The following NRXN3 variants were observed in gnomAD, a reference collection of about 807,000 sequenced individuals.
NRXN3 encodes neurexin 3, also known as neurexin III.
NRXN3 carries 32 observed loss-of-function variants against 137.6 expected under a neutral mutation model. That is an observed-to-expected ratio of 0.23 (90% confidence interval 0.18 to 0.31). The LOEUF (loss-of-function observed/expected upper bound fraction) is 0.31, where lower values mean the gene tolerates loss of function less well. Among genes scored for constraint, NRXN3 ranks in the 10% least tolerant of loss-of-function variants. The pLI, the probability that NRXN3 is intolerant of heterozygous loss-of-function variation, is 1.00. For synonymous variants in NRXN3, 798 were observed against 784.5 expected (o/e 1.02, Z -0.29); for missense variants, 1,574 against 2,062.5 (o/e 0.76, Z 4.59).
At chr14:79,005,881 T>A (rs904668012) in intron 15 of NRXN3, among the ~76,000 whole-genome samples, 1 of 152,216 alleles carries the variant, frequency 6.6e-6, no homozygotes, top group African/African-American at 2.4e-5. Flanking sequence ...TCTTACTCTC[T>A]TTCCTTTCTT....
At chr14:78,719,783 A>G (rs913546345) in intron 8 of NRXN3, among the ~76,000 whole-genome samples, 5 of 152,172 alleles carry the variant, frequency 3.3e-5, no homozygotes, top group African/African-American at 1.2e-4. Context: ...TGGAGGTTGC[A>G]GTGAGCCAAG....
chr14:79,792,153 A>G (rs1277083627), intron 19 of NRXN3, among the ~76,000 whole-genome samples: 2 of 152,124 alleles, frequency 1.3e-5, no homozygotes, highest in Non-Finnish European at 2.9e-5. Flanking sequence ...AAGCCTCCAG[A>G]TATACGTTAA....
chr14:78,443,378 G>A (rs916479634), intron 4 of NRXN3, among the ~76,000 whole-genome samples: 1 of 152,180 alleles, frequency 6.6e-6, no homozygotes, highest in Non-Finnish European at 1.5e-5. Context: ...TGCACTGTGC[G>A]CTCTGCCAGC....
At chr14:79,499,489 A>G (rs2079262939) in intron 16 of NRXN3, among the ~76,000 whole-genome samples, 1 of 152,302 alleles carries the variant, frequency 6.6e-6, no homozygotes, top group African/African-American at 2.4e-5. Context: ...CATTCTGTCC[A>G]GTATTAGTCT....
chr14:79,340,173 G>C (rs1018736814), intron 15 of NRXN3, among the ~76,000 whole-genome samples: 1 of 151,376 alleles, frequency 6.6e-6, no homozygotes, highest in African/African-American at 2.4e-5. Flanking sequence ...GTGTGTGTGT[G>C]TGTGTGTGTG....
At chr14:78,992,659 A>G (rs1443504040) in intron 15 of NRXN3, among the ~76,000 whole-genome samples, 1 of 152,192 alleles carries the variant, frequency 6.6e-6, no homozygotes, top group Admixed American at 6.5e-5. Context: ...ATGCACCCAC[A>G]CATGTGCAAA....
intron 15 of NRXN3, among the ~76,000 whole-genome samples, chr14:79,097,766 A>G (rs942273726): frequency 4.6e-5 from 7 of 152,226 alleles, no homozygotes; most frequent in Admixed American, 1.3e-4. Context: ...ATGTAAATGT[A>G]GTATTCCCCT....
chr14:78,462,067 G>A (rs1255747021), intron 4 of NRXN3, among the ~76,000 whole-genome samples: 5 of 152,158 alleles, frequency 3.3e-5, no homozygotes, highest in Non-Finnish European at 5.9e-5. Flanking sequence ...TTGAATGAGA[G>A]ATAAATGAGG....
chr14:78,983,345 C>T (rs1181624133), intron 14 of NRXN3, among the ~76,000 whole-genome samples: 7 of 152,114 alleles, frequency 4.6e-5, no homozygotes, highest in African/African-American at 1.7e-4. Context: ...ATCTGCATTC[C>T]CATGTTCATT....
intron 15 of NRXN3, among the ~76,000 whole-genome samples, chr14:79,003,663 T>C (rs2099546301): frequency 6.6e-6 from 1 of 152,180 alleles, no homozygotes; most frequent in African/African-American, 2.4e-5. Flanking sequence ...AGTGGTCTAA[T>C]GCAGGAATTA....
intron 8 of NRXN3, among the ~76,000 whole-genome samples, chr14:78,771,098 G>A (rs912825006): frequency 7.2e-5 from 11 of 152,146 alleles, no homozygotes; most frequent in Non-Finnish European, 1.2e-4. Context: ...GCAAGGCCAC[G>A]TTGCTAATTG....
chr14:79,814,495 AC>A (rs1479624372), intron 20 of NRXN3, among the ~76,000 whole-genome samples: 6 of 152,250 alleles, frequency 3.9e-5, no homozygotes, highest in African/African-American at 1.4e-4. Flanking sequence ...CATAAGTTGT[AC>A]TTTTTACCTG....
chr14:78,617,751 C>A (rs2097360650), intron 4 of NRXN3, among the ~76,000 whole-genome samples: 1 of 151,888 alleles, frequency 6.6e-6, no homozygotes, highest in African/African-American at 2.4e-5. Flanking sequence ...ATCACTGTTT[C>A]CTTAATTTTA....
intron 9 of NRXN3, among the ~76,000 whole-genome samples, chr14:78,807,739 A>G (rs8020880): frequency 3.2e-3 from 70 of 22,204 alleles, no homozygotes; most frequent in Admixed American, 3.6e-3. Context: ...TGTCTCAAAA[A>G]AAAAAAAAAA....
chr14:79,329,330 T>TA (rs1312659022), intron 15 of NRXN3, among the ~76,000 whole-genome samples: 16 of 152,220 alleles, frequency 1.1e-4, no homozygotes, highest in Admixed American at 4.6e-4. Context: ...TGCACATGCC[T>TA]AATTGTTTCA....
At position 78,667,809 on chromosome 14, in the gene NRXN3, G is replaced by A. The variant is rs182992319; in HGVS notation, c.1221+16483G>A. 5.1e-3 allele frequency among the ~76,000 whole-genome samples: 777 copies of A among 151,940 alleles called. 4 individuals are homozygous for A. The highest frequency in any genetic ancestry group is 9.2e-3 in the Admixed American group (140 of 15,256). On this transcript the variant is annotated intron_variant, in intron 6 of 20. Transcript: ENST00000335750. ...TTATCTTTTTTTTTTCTGAGATGAA[G>A]TTTTGCTCTTGTTGCCCAGGCTGGA...
At chr14:79,527,357 G>T (rs989812754) in intron 16 of NRXN3, among the ~76,000 whole-genome samples, 5 of 149,822 alleles carry the variant, frequency 3.3e-5, no homozygotes, top group South Asian at 2.1e-4. Flanking sequence ...TGGCGGGTTA[G>T]AGATGGTGGT....
At chr14:79,010,279 T>C (rs1366498973) in intron 15 of NRXN3, among the ~76,000 whole-genome samples, 1 of 152,180 alleles carries the variant, frequency 6.6e-6, no homozygotes, top group East Asian at 1.9e-4. Flanking sequence ...CTTGAGTATA[T>C]AATTGCCATC....
intron 15 of NRXN3, among the ~76,000 whole-genome samples, chr14:79,445,467 A>G (rs1161096025): frequency 6.6e-6 from 1 of 152,232 alleles, no homozygotes; most frequent in Non-Finnish European, 1.5e-5. Flanking sequence ...CCAGACATCA[A>G]TTCTCATGGA....
Sources: allele counts gnomAD v4.1 joint callset (sites outside exome capture counted in the v4.1 genomes callset), GRCh38; gene constraint gnomAD v4.1.1; transcripts MANE v1.5; gene names NCBI Gene and HGNC (gene_info 2026-07-23, HGNC 2026-07-21).